FCHSD2: variants seen among roughly 807,000 people sequenced by gnomAD.
FCHSD2 encodes the protein F-BAR and double SH3 domains protein 2.
FCHSD2 carries 38 observed loss-of-function variants against 108.1 expected under a neutral mutation model. The ratio of observed to expected loss-of-function variants is 0.35; its 90% CI spans 0.27 to 0.46. FCHSD2 has a LOEUF of 0.46. FCHSD2 is among the 20% of genes least tolerant of loss of function. The pLI, the probability that FCHSD2 is intolerant of heterozygous loss-of-function variation, is 1.00. For missense variants in FCHSD2, 751 were observed against 897.8 expected (o/e 0.84, Z 2.09); for synonymous variants, 279 against 314.7 (o/e 0.89, Z 1.20).
intron 1 of FCHSD2, 100 bp from the exon 2 acceptor site, chr11:73,140,228 T>C (rs1046104031): frequency 1.6e-5 from 10 of 606,154 alleles, no homozygotes; most frequent in Admixed American, 1.6e-4. Flanking sequence ...CTTGCTCGCC[T>C]CTCCCCTGAA....
At chr11:73,087,004 C>T (rs1160800719) in intron 2 of FCHSD2, among the ~76,000 whole-genome samples, 1 of 152,184 alleles carries the variant, frequency 6.6e-6, no homozygotes, top group East Asian at 1.9e-4. Context: ...CTACAGCTAA[C>T]TGTAAAACAG....
chr11:72,974,646 T>A (rs1283043858), intron 8 of FCHSD2, among the ~76,000 whole-genome samples: 1 of 152,196 alleles, frequency 6.6e-6, no homozygotes, highest in Non-Finnish European at 1.5e-5. Flanking sequence ...GAAACAGAAT[T>A]TTAAAATGCA....
intron 2 of FCHSD2, among the ~76,000 whole-genome samples, chr11:73,087,495 C>A (rs960676813): frequency 6.6e-6 from 1 of 152,038 alleles, no homozygotes; most frequent in Non-Finnish European, 1.5e-5. Context: ...CACTTGAGGT[C>A]AGGAGTTTGA....
chr11:73,117,108 C>T (rs1565098356), intron 2 of FCHSD2, among the ~76,000 whole-genome samples: 1 of 152,160 alleles, frequency 6.6e-6, no homozygotes, highest in Non-Finnish European at 1.5e-5. Context: ...CATCTTTCTA[C>T]TTATCAATAA....
chr11:73,083,775 ATAACT>A lies in FCHSD2; in HGVS notation c.120-40_120-36del, dbSNP rs1464413015. 15 of 1,305,014 alleles carry A rather than the reference ATAACT, an allele frequency of 1.1e-5. No individual in the cohort carries two copies. In the East Asian group the frequency reaches 3.8e-4, roughly 33 times the overall value. The allele number at this position is 1,305,014 out of a possible 1,614,324, so 80.8% of individuals were successfully genotyped here. A position where few individuals can be genotyped will look rare whatever the true frequency, so the allele number is the denominator to read the frequency against. On this transcript the variant is annotated intron_variant, in intron 2 of 19. Coordinates refer to ENST00000409418, the MANE Select transcript of FCHSD2 (RefSeq NM_014824.3). ...CAAAGAAAAATTAATTACCAGAAGG[ATAACT>A]TAATAATTTAATGTAAATCTATCAA...
At chr11:72,935,422 G>A (rs1049617823) in intron 8 of FCHSD2, among the ~76,000 whole-genome samples, 8 of 152,060 alleles carry the variant, frequency 5.3e-5, no homozygotes, top group African/African-American at 1.9e-4. Context: ...TGAGAGCAAC[G>A]GGCATTTCTA....
At chr11:72,958,992 TATGTGTGTGTGTGTGTGTG>T (rs1856769079) in intron 8 of FCHSD2, among the ~76,000 whole-genome samples, 1 of 127,422 alleles carries the variant, frequency 7.8e-6, no homozygotes, top group South Asian at 2.3e-4. Flanking sequence ...ATCAGTAAGA[TATGTGTGTGTGTGTGTGTG>T]TGTGTGTGTG....
intron 8 of FCHSD2, among the ~76,000 whole-genome samples, chr11:72,976,455 T>A (rs1181571044): frequency 2.0e-5 from 3 of 152,044 alleles, no homozygotes; most frequent in African/African-American, 7.2e-5. Context: ...ATTTTTAAAT[T>A]TTTTTGTAGA....
chr11:72,999,176 G>A (rs546456548), intron 5 of FCHSD2, among the ~76,000 whole-genome samples: 15 of 152,090 alleles, frequency 9.9e-5, no homozygotes, highest in Non-Finnish European at 2.1e-4. Context: ...TCTTTCATTT[G>A]CTATCTCAGA....
chr11:73,005,600 A>G lies in FCHSD2; in HGVS notation c.243-4466T>C, dbSNP rs190923921. The stretch of plus-strand genomic sequence containing the variant: ...CCCAGGCTTCTTCTCTTCTCTAACT[A>G]CATTCACTCTGTTGAAAATTGTTTT... On this transcript the variant is annotated intron_variant, in intron 4 of 19. Coordinates refer to ENST00000409418, the MANE Select transcript of FCHSD2 (RefSeq NM_014824.3). Among the ~76,000 whole-genome samples, 19 of 152,044 alleles carry G rather than the reference A, an allele frequency of 1.2e-4. 2 individuals are homozygous for G. In the East Asian group the frequency reaches 2.5e-3, roughly 20 times the overall value.
chr11:72,842,552 A>C, intron 17 of FCHSD2, 69 bp downstream of exon 17: 1 of 1,589,024 alleles, frequency 6.3e-7, no homozygotes, highest in Non-Finnish European at 8.6e-7. Context: ...TTTTGTGTGG[A>C]TCCACAGACC....
chr11:72,892,219 C>T (rs1032671887), intron 10 of FCHSD2, among the ~76,000 whole-genome samples: 25 of 152,154 alleles, frequency 1.6e-4, no homozygotes, highest in Non-Finnish European at 2.8e-4. Context: ...AGAATTTATA[C>T]CTTCTTATTG....
At chr11:72,935,125 C>A (rs1856275439) in intron 8 of FCHSD2, among the ~76,000 whole-genome samples, 1 of 152,040 alleles carries the variant, frequency 6.6e-6, no homozygotes, top group African/African-American at 2.4e-5. Context: ...AAGGAATATT[C>A]TAAGGACAAA....
chr11:72,866,711 T>C (rs1336083993), intron 13 of FCHSD2, among the ~76,000 whole-genome samples: 1 of 152,230 alleles, frequency 6.6e-6, no homozygotes, highest in Admixed American at 6.5e-5. Context: ...TTCCTTAAAA[T>C]GTAGACCCAC....
chr11:72,896,248 T>C (rs567306163), intron 10 of FCHSD2, among the ~76,000 whole-genome samples: 192 of 152,216 alleles, frequency 1.3e-3, no homozygotes, highest in Admixed American at 4.2e-3. Context: ...ATCTTGTTAT[T>C]TGCTGTTCAA....
At chr11:72,973,343 G>A (rs752138022) in intron 8 of FCHSD2, among the ~76,000 whole-genome samples, 2 of 151,242 alleles carry the variant, frequency 1.3e-5, no homozygotes, top group Non-Finnish European at 2.9e-5. Context: ...CTCCAGCCTG[G>A]GCAACAAGAG....
intron 2 of FCHSD2, among the ~76,000 whole-genome samples, chr11:73,091,655 A>G (rs1191786389): frequency 1.3e-5 from 2 of 152,244 alleles, no homozygotes; most frequent in Non-Finnish European, 2.9e-5. Context: ...TAAAAGGACC[A>G]GTAGGCTCAT....
chr11:72,872,278 TTTC>T (rs1265269143), intron 12 of FCHSD2, among the ~76,000 whole-genome samples: 3 of 99,416 alleles, frequency 3.0e-5, no homozygotes, highest in East Asian at 6.2e-4. Flanking sequence ...CAACTTTTTT[TTTC>T]TTTTCTTTTT....
At chr11:73,072,753 A>G (rs954583655) in intron 3 of FCHSD2, among the ~76,000 whole-genome samples, 1 of 152,160 alleles carries the variant, frequency 6.6e-6, no homozygotes, top group African/African-American at 2.4e-5. Context: ...CAGAAAAGTA[A>G]CCACACACCG....
Sources: gnomAD v4.1 joint callset for allele counts (sites outside exome capture counted in the v4.1 genomes callset) on GRCh38, gnomAD v4.1.1 for gene constraint, MANE v1.5 for transcripts, NCBI Gene and HGNC (gene_info 2026-07-23, HGNC 2026-07-21) for gene names.